The following RGL1 variants were observed in gnomAD, a reference collection of about 807,000 sequenced individuals.
The protein encoded by RGL1 is ral guanine nucleotide dissociation stimulator like 1.
Under a neutral mutation model 95.2 loss-of-function variants are expected in RGL1, and 24 were observed. The ratio of observed to expected loss-of-function variants is 0.25; its 90% confidence interval spans 0.18 to 0.35. RGL1 has a LOEUF of 0.35. Among genes scored for constraint, RGL1 ranks in the 10% least tolerant of loss-of-function variants. The pLI is 1.00. For missense variants in RGL1, 715 were observed against 936.3 expected, an observed-to-expected ratio of 0.76 and a Z score of 3.08; for synonymous variants, 329 against 344.9, an observed-to-expected ratio of 0.95 and a Z score of 0.51.
At chr1:183,726,989 G>A (rs1235394873) in intron 1 of RGL1, among the ~76,000 whole-genome samples, 2 of 152,010 alleles carry the variant, frequency 1.3e-5, no homozygotes, top group African/African-American at 4.8e-5. Context: ...TGAAAATATA[G>A]GAGAAATACT....
At chr1:183,842,578 G>C (rs866179525) in intron 2 of RGL1, among the ~76,000 whole-genome samples, 2 of 151,976 alleles carry the variant, frequency 1.3e-5, no homozygotes, top group Non-Finnish European at 2.9e-5. Context: ...AGAAAAAGCT[G>C]GATTCTAAAG....
At chr1:183,757,759 C>G (rs1300156415) in intron 2 of RGL1, among the ~76,000 whole-genome samples, 1 of 152,146 alleles carries the variant, frequency 6.6e-6, no homozygotes, top group Non-Finnish European at 1.5e-5. Context: ...TCATTTTACT[C>G]ATAAGGATTA....
At chr1:183,694,145 G>A (rs956688633) in intron 1 of RGL1, among the ~76,000 whole-genome samples, 1 of 152,162 alleles carries the variant, frequency 6.6e-6, no homozygotes, top group South Asian at 2.1e-4. Flanking sequence ...CTGAGTGAGG[G>A]ACTATCAGAG....
intron 4 of RGL1, among the ~76,000 whole-genome samples, chr1:183,878,077 T>G (rs1666612121): frequency 6.6e-6 from 1 of 152,158 alleles, no homozygotes; most frequent in South Asian, 2.1e-4. Context: ...TGAGAAACAA[T>G]AAGATAGATC....
intron 2 of RGL1, among the ~76,000 whole-genome samples, chr1:183,795,934 T>C (rs1313263913): frequency 2.0e-5 from 3 of 152,146 alleles, no homozygotes; most frequent in African/African-American, 7.2e-5. Context: ...ACGGGTCTAA[T>C]TTTTAACATA....
chr1:183,834,194 G>C (rs1295064749), intron 2 of RGL1, among the ~76,000 whole-genome samples: 1 of 151,832 alleles, frequency 6.6e-6, no homozygotes, highest in African/African-American at 2.4e-5. Flanking sequence ...CCCCATAGTA[G>C]GAACTCAACA....
intron 10 of RGL1, 98 bp from the exon 11 acceptor site, chr1:183,900,051 TA>T: frequency 1.2e-6 from 1 of 837,720 alleles, no homozygotes; most frequent in Non-Finnish European, 2.0e-6. Flanking sequence ...GGCCCGCAGT[TA>T]GGCCTTGAAT....
intron 1 of RGL1, among the ~76,000 whole-genome samples, chr1:183,664,238 A>G (rs961760584): frequency 1.3e-5 from 2 of 152,028 alleles, no homozygotes; most frequent in Admixed American, 1.3e-4. Context: ...ATAAAAATAA[A>G]TGGGAATTTT....
At chr1:183,842,392 G>A (rs183045735) in intron 2 of RGL1, among the ~76,000 whole-genome samples, 1 of 151,794 alleles carries the variant, frequency 6.6e-6, no homozygotes, top group East Asian at 1.9e-4. Flanking sequence ...TTTAGAAGGT[G>A]AAAGAGTTTA....
rs775712928 is a variant in RGL1 at position 183,916,368 on chromosome 1, C to T, written c.1750-79C>T. The T allele has an allele frequency of 3.3e-6, 5 of 1,537,400 alleles. No individual in the cohort carries two copies. In the South Asian group the frequency reaches 3.6e-5, roughly 11 times the overall value. On this transcript the variant is annotated intron_variant, in intron 15 of 17. Transcript: ENST00000360851. ...AACTGCAGTCTATCAGTCTTGATAT[C>T]TACCTCTGCTTTGAAAATTGCAAAG...
intron 2 of RGL1, chr1:183,754,459 G>A (rs1252856926): frequency 5.9e-5 from 9 of 152,058 alleles, no homozygotes; most frequent in Non-Finnish European, 1.3e-4. Flanking sequence ...TCATATAATA[G>A]TCCAATTTAG....
intron 2 of RGL1, among the ~76,000 whole-genome samples, chr1:183,839,417 A>G (rs996113201): frequency 2.0e-5 from 3 of 151,936 alleles, no homozygotes; most frequent in East Asian, 3.9e-4. Flanking sequence ...ATTTTCCTTC[A>G]TTTTATTCTC....
chr1:183,837,134 C>A (rs527486872), intron 2 of RGL1, among the ~76,000 whole-genome samples: 41 of 152,326 alleles, frequency 2.7e-4, no homozygotes, highest in African/African-American at 9.9e-4. Flanking sequence ...CGTACTCTCC[C>A]TGGAGGATTG....
chr1:183,926,799 A>G lies in RGL1; in HGVS notation c.*507A>G, dbSNP rs1669640648. On this transcript the variant is annotated 3_prime_UTR_variant, in exon 18 of 18. Coordinates refer to ENST00000360851, the MANE Select transcript of RGL1 (RefSeq NM_001297671.3). ...TACAAGAAGCCCAAACTTTATTTTT[A>G]TAAAGGGAGAGGATGACTTTCTCAA... The G allele has an allele frequency of 6.5e-6, 1 of 152,696 alleles. No homozygotes were observed. The highest frequency in any genetic ancestry group is 2.1e-4 in the South Asian group (1 of 4,824). 9.5% of individuals were successfully genotyped at this position (152,696 alleles called of 1,614,324 possible).
At chr1:183,919,642 A>G (rs773296611) in intron 16 of RGL1, among the ~76,000 whole-genome samples, 6 of 152,214 alleles carry the variant, frequency 3.9e-5, no homozygotes, top group Non-Finnish European at 7.3e-5. Context: ...TAGCCCTTGT[A>G]AAATTACCTC....
intron 2 of RGL1, among the ~76,000 whole-genome samples, chr1:183,747,343 C>T (rs1462319570): frequency 6.6e-6 from 1 of 152,148 alleles, no homozygotes; most frequent in Non-Finnish European, 1.5e-5. Context: ...TTATTGATGG[C>T]CATTCTAACT....
intron 1 of RGL1, among the ~76,000 whole-genome samples, chr1:183,680,654 A>G (rs1653149565): frequency 6.6e-6 from 1 of 152,200 alleles, no homozygotes; most frequent in Admixed American, 6.5e-5. Flanking sequence ...TGTCTTGGCT[A>G]TACAGGCTCT....
chr1:183,782,438 G>A (rs1223060032), intron 2 of RGL1, among the ~76,000 whole-genome samples: 1 of 152,192 alleles, frequency 6.6e-6, no homozygotes, highest in Non-Finnish European at 1.5e-5. Context: ...AAAGCACTTT[G>A]AAGCGTGTTC....
chr1:183,813,242 C>T (rs958730870), intron 2 of RGL1, among the ~76,000 whole-genome samples: 5 of 152,168 alleles, frequency 3.3e-5, no homozygotes, highest in Admixed American at 3.3e-4. Flanking sequence ...TTTCAAAGAG[C>T]AGGTCAGCAA....
Sources: gnomAD v4.1 joint callset for allele counts (sites outside exome capture counted in the v4.1 genomes callset) on GRCh38, gnomAD v4.1.1 for gene constraint, MANE v1.5 for transcripts, NCBI Gene and HGNC (gene_info 2026-07-23, HGNC 2026-07-21) for gene names.